Variants in HDAC9 observed in about 807,000 individuals in gnomAD.
HDAC9 encodes the protein MEF-2 interacting transcription repressor (MITR) protein.
A neutral mutation model predicts 139.4 loss-of-function variants in HDAC9; 41 were observed. The ratio of observed to expected loss-of-function variants is 0.29; its 90% confidence interval spans 0.23 to 0.38. The LOEUF is 0.38. Among genes scored for constraint, HDAC9 ranks in the 10% least tolerant of loss-of-function variants. The pLI is 1.00. For missense variants in HDAC9, 1,147 were observed against 1,297.0 expected (o/e 0.88, Z 1.78); for synonymous variants, 517 against 476.2 (o/e 1.09, Z -1.12).
At chr7:18,866,282 C>T (rs544905012) in intron 21 of HDAC9, among the ~76,000 whole-genome samples, 1 of 151,958 alleles carries the variant, frequency 6.6e-6, no homozygotes, top group South Asian at 2.1e-4. Flanking sequence ...GTGCACCACC[C>T]CCGTGACTTT....
intron 17 of HDAC9, among the ~76,000 whole-genome samples, chr7:18,794,142 G>A (rs374752461): frequency 2.0e-5 from 3 of 152,292 alleles, no homozygotes; most frequent in African/African-American, 4.8e-5. Flanking sequence ...CGCCATGTGC[G>A]TCTTGAATGC....
intron 21 of HDAC9, among the ~76,000 whole-genome samples, chr7:18,836,391 CT>C (rs1796240175): frequency 6.6e-6 from 1 of 152,108 alleles, no homozygotes; most frequent in Non-Finnish European, 1.5e-5. Flanking sequence ...TACAGAATCC[CT>C]TTTTTACATA....
At chr7:18,886,081 A>C (rs1325858512) in intron 22 of HDAC9, among the ~76,000 whole-genome samples, 1 of 152,252 alleles carries the variant, frequency 6.6e-6, no homozygotes, top group East Asian at 1.9e-4. Context: ...TCAGGATATA[A>C]AAACACAAAT....
chr7:18,663,245 A>G (rs1279339408), intron 11 of HDAC9, among the ~76,000 whole-genome samples: 1 of 152,096 alleles, frequency 6.6e-6, no homozygotes, highest in Non-Finnish European at 1.5e-5. Flanking sequence ...ATGTTGGGGA[A>G]TGAGGTCAAG....
At chr7:18,601,570 G>A (rs1472057305) in intron 6 of HDAC9, among the ~76,000 whole-genome samples, 1 of 152,096 alleles carries the variant, frequency 6.6e-6, no homozygotes, top group African/African-American at 2.4e-5. Context: ...AATGTCAGGG[G>A]AAAGCATTTT....
intron 2 of HDAC9, among the ~76,000 whole-genome samples, chr7:18,233,510 A>G (rs947350413): frequency 6.6e-6 from 1 of 151,468 alleles, no homozygotes; most frequent in African/African-American, 2.4e-5. Context: ...TAAACTATGG[A>G]TTAAATAGTG....
At chr7:18,534,555 T>A (rs1406094746) in intron 2 of HDAC9, among the ~76,000 whole-genome samples, 1 of 151,912 alleles carries the variant, frequency 6.6e-6, no homozygotes, top group Non-Finnish European at 1.5e-5. Context: ...TAAAAAAAAA[T>A]TTAGAGAGAG....
At chr7:18,363,704 A>G (rs1331820104) in intron 1 of HDAC9, among the ~76,000 whole-genome samples, 7 of 152,166 alleles carry the variant, frequency 4.6e-5, no homozygotes, top group African/African-American at 1.7e-4. Context: ...TTAATTAGAG[A>G]AAGCCAATGG....
chr7:18,449,581 TG>T (rs968363290), intron 1 of HDAC9, among the ~76,000 whole-genome samples: 1 of 152,142 alleles, frequency 6.6e-6, no homozygotes, highest in African/African-American at 2.4e-5. Context: ...TATACACCTA[TG>T]GTTTGCCCGC....
chr7:18,211,187 G>A (rs1334628929), intron 2 of HDAC9, among the ~76,000 whole-genome samples: 1 of 152,190 alleles, frequency 6.6e-6, no homozygotes, highest in Non-Finnish European at 1.5e-5. Flanking sequence ...TTCACCCGTT[G>A]TTTTACAAAG....
intron 6 of HDAC9, among the ~76,000 whole-genome samples, chr7:18,620,493 A>G (rs1049045018): frequency 1.3e-5 from 2 of 151,860 alleles, no homozygotes; most frequent in Non-Finnish European, 2.9e-5. Context: ...ACTAAAAACC[A>G]GTGTTACTAC....
intron 2 of HDAC9, chr7:18,496,646 G>T: frequency 3.8e-6 from 1 of 262,946 alleles, no homozygotes; most frequent in Non-Finnish European, 7.2e-6. Context: ...TGTACTGATT[G>T]TAAGCCTATT....
chr7:18,468,733 A>G (rs1794495168), intron 1 of HDAC9, among the ~76,000 whole-genome samples: 1 of 152,204 alleles, frequency 6.6e-6, no homozygotes, highest in Non-Finnish European at 1.5e-5. Flanking sequence ...TTGTGCAAAA[A>G]TAAATTCATG....
intron 11 of HDAC9, among the ~76,000 whole-genome samples, chr7:18,659,525 T>C (rs1730826655): frequency 6.6e-6 from 1 of 152,132 alleles, no homozygotes; most frequent in Non-Finnish European, 1.5e-5. Context: ...CAACATCTGT[T>C]TGAGTATATG....
intron 13 of HDAC9, among the ~76,000 whole-genome samples, chr7:18,739,823 G>T (rs1787280855): frequency 6.6e-6 from 1 of 152,262 alleles, no homozygotes; most frequent in Admixed American, 6.5e-5. Flanking sequence ...GGACGTTTAA[G>T]TCTGTAGAAG....
At chr7:18,316,803 C>G (rs1585141702) in intron 1 of HDAC9, among the ~76,000 whole-genome samples, 1 of 149,972 alleles carries the variant, frequency 6.7e-6, no homozygotes, top group African/African-American at 2.5e-5. Context: ...GGTGACAGAG[C>G]AAGCCTCTGT....
chr7:18,862,073 A>G (rs977964917), intron 21 of HDAC9, among the ~76,000 whole-genome samples: 3 of 152,192 alleles, frequency 2.0e-5, no homozygotes, highest in Non-Finnish European at 4.4e-5. Context: ...CCCCCAAAAT[A>G]TAGCTTATAC....
intron 2 of HDAC9, among the ~76,000 whole-genome samples, chr7:18,218,316 C>T (rs190836395): frequency 1.2e-4 from 18 of 152,076 alleles, no homozygotes; most frequent in East Asian, 1.9e-4. Flanking sequence ...TGGTGGTACA[C>T]GCCTGTAATC....
chr7:18,399,208 G>A (rs556297765), intron 1 of HDAC9, among the ~76,000 whole-genome samples: 1 of 152,248 alleles, frequency 6.6e-6, no homozygotes, highest in East Asian at 1.9e-4. Context: ...CTGCAGGTCA[G>A]TGGTGTGTGG....
Sources: allele counts gnomAD v4.1 joint callset (sites outside exome capture counted in the v4.1 genomes callset), GRCh38; gene constraint gnomAD v4.1.1; transcripts MANE v1.5; gene names NCBI Gene and HGNC (gene_info 2026-07-23, HGNC 2026-07-21).